The following SMPD3 variants were observed in gnomAD, a reference collection of about 807,000 sequenced individuals.
The protein encoded by SMPD3 is sphingomyelin phosphodiesterase 3, also known as nSMase-2.
Under a neutral mutation model 55.7 loss-of-function variants are expected in SMPD3, and 21 were observed. That is an observed-to-expected ratio of 0.38 (90% CI 0.27 to 0.54). SMPD3 has a LOEUF of 0.54. Ranked by LOEUF, SMPD3 falls within the 20% of genes least tolerant of loss-of-function variation. SMPD3 has a pLI of 0.80. For missense variants in SMPD3, 842 were observed against 899.6 expected (o/e 0.94, Z 0.82); for synonymous variants, 457 against 404.3 (o/e 1.13, Z -1.56).
chr16:68,411,666 G>C (rs1442650643), intron 1 of SMPD3, among the ~76,000 whole-genome samples: 1 of 152,240 alleles, frequency 6.6e-6, no homozygotes, highest in African/African-American at 2.4e-5. Flanking sequence ...CAGCCACGTA[G>C]AGCATCCTTG....
intron 1 of SMPD3, among the ~76,000 whole-genome samples, chr16:68,436,645 C>A (rs1286006420): frequency 6.6e-6 from 1 of 152,166 alleles, no homozygotes; most frequent in Non-Finnish European, 1.5e-5. Flanking sequence ...AATGTGCAAT[C>A]CCATTATAAT....
intron 2 of SMPD3, among the ~76,000 whole-genome samples, chr16:68,384,094 T>C (rs946546149): frequency 6.6e-6 from 1 of 152,212 alleles, no homozygotes; most frequent in Non-Finnish European, 1.5e-5. Context: ...CCCAGGCACC[T>C]AGGCAGGGAA....
Position 68,447,477 on chromosome 16 carries a change from G to A in SMPD3, c.-269+876C>T, listed in dbSNP as rs969370018. ...AGCCCCAGGCCTGGATCCAGGTAGG[G>A]AGGGCCTGGGAGATAAGGCCCAGGT... On this transcript the variant is annotated intron_variant, in intron 1 of 8. Transcript: ENST00000219334. The surrounding 1 kb of genome is among the most constrained non-coding windows in gnomAD (Gnocchi z 5.1). Among the ~76,000 whole-genome samples the A allele has an allele frequency of 8.5e-5, 13 of 152,188 alleles. No individual in the cohort carries two copies. The highest frequency in any genetic ancestry group is 3.1e-4 in the African/African-American group (13 of 41,456).
chr16:68,375,734 C>T (rs1298952134), intron 2 of SMPD3, among the ~76,000 whole-genome samples: 1 of 152,180 alleles, frequency 6.6e-6, no homozygotes, highest in Admixed American at 6.6e-5. Context: ...AGTGGCCAGT[C>T]CTGATCTTTA....
intron 4 of SMPD3, 22 bp from the exon 5 acceptor site, chr16:68,364,928 A>G (rs373555408): frequency 1.6e-5 from 26 of 1,612,830 alleles, no homozygotes; most frequent in Non-Finnish European, 2.0e-5. Flanking sequence ...AAGTACAGAG[A>G]CTGGATGATG....
chr16:68,361,855 GAGC>G, intron 7 of SMPD3, 96 bp from the exon 8 acceptor site: 151 of 1,083,532 alleles, frequency 1.4e-4, no homozygotes, highest in East Asian at 4.8e-4. Flanking sequence ...CCCAGTGTGG[GAGC>G]GGGTGGGTGG....
intron 1 of SMPD3, among the ~76,000 whole-genome samples, chr16:68,414,798 C>T (rs1002943119): frequency 3.3e-5 from 5 of 152,212 alleles, no homozygotes; most frequent in African/African-American, 1.2e-4. Context: ...GAGGGGAAGG[C>T]TCAGAGGCAG....
intron 1 of SMPD3, among the ~76,000 whole-genome samples, chr16:68,402,076 C>T (rs2090212259): frequency 6.6e-6 from 1 of 152,206 alleles, no homozygotes; most frequent in Non-Finnish European, 1.5e-5. Flanking sequence ...CCACGGCTGG[C>T]TAGTGACCTT....
intron 1 of SMPD3, among the ~76,000 whole-genome samples, chr16:68,432,697 TGGCAG>T (rs1373709538): frequency 6.6e-6 from 1 of 152,212 alleles, no homozygotes; most frequent in Non-Finnish European, 1.5e-5. Context: ...AGAGTCTGTC[TGGCAG>T]CTAAATGTAT....
intron 1 of SMPD3, among the ~76,000 whole-genome samples, chr16:68,431,405 G>A (rs1186133251): frequency 1.3e-5 from 2 of 152,202 alleles, no homozygotes; most frequent in Non-Finnish European, 2.9e-5. Context: ...CAGAATCAGT[G>A]CCTTCTGATG....
At chr16:68,386,254 T>C (rs1182843696) in intron 2 of SMPD3, among the ~76,000 whole-genome samples, 4 of 151,810 alleles carry the variant, frequency 2.6e-5, no homozygotes, top group African/African-American at 7.3e-5. Context: ...TAGTGGGCAG[T>C]GGTATCTGGT....
intron 2 of SMPD3, among the ~76,000 whole-genome samples, chr16:68,381,376 G>A (rs2089948655): frequency 6.6e-6 from 1 of 152,230 alleles, no homozygotes; most frequent in South Asian, 2.1e-4. Flanking sequence ...CTGTACATCT[G>A]ATAAGGGGAG....
At chr16:68,389,666 C>T (rs776383425) in intron 1 of SMPD3, among the ~76,000 whole-genome samples, 15 of 152,196 alleles carry the variant, frequency 9.9e-5, no homozygotes, top group Non-Finnish European at 1.8e-4. Flanking sequence ...CAAAGTCACA[C>T]AGCCTTCCAT....
intron 4 of SMPD3, 31 bp downstream of exon 4, chr16:68,364,986 T>C: frequency 1.2e-6 from 2 of 1,613,938 alleles, no homozygotes; most frequent in Non-Finnish European, 1.7e-6. Flanking sequence ...ATCCCATGCC[T>C]AGAAAAAACA....
At chr16:68,376,252 T>G (rs2151990379) in intron 2 of SMPD3, among the ~76,000 whole-genome samples, 1 of 152,342 alleles carries the variant, frequency 6.6e-6, no homozygotes, top group Admixed American at 6.5e-5. Context: ...CAGGACATGC[T>G]CCCTGGCCCG....
chr16:68,412,844 G>A (rs2090312504), intron 1 of SMPD3, among the ~76,000 whole-genome samples: 1 of 152,246 alleles, frequency 6.6e-6, no homozygotes, highest in Non-Finnish European at 1.5e-5. Context: ...TATGGTAGAT[G>A]TTAGAGGAAT....
In SMPD3 at chr16:68,371,504, G is replaced by A. The variant is rs779542326; in HGVS notation, c.678C>T (p.Asn226=). 7.5e-6 allele frequency: 12 copies of A among 1,599,002 alleles called. No individual in the cohort carries two copies. Among genetic ancestry groups the A allele is most frequent in the East Asian group, 2.2e-5 (1 of 44,864 alleles). The change falls in exon 3 of 9, where the codon AAC becomes AAT. Residue 226 remains asparagine (N), a synonymous_variant. Transcript: ENST00000219334. The stretch of plus-strand genomic sequence containing the variant: ...CGACAGGGTCCCCAGAGGCTGGGCC[G>A]TTGGCAGCCTCGTCACCGGGGTGCC... ...GGRHPGDEAA[N]GPASGDPVDS...
chr16:68,370,042 T>C (rs4783557), intron 3 of SMPD3: 85,252 of 152,218 alleles, frequency 0.56, 24,299 homozygotes, highest in East Asian at 0.79. Flanking sequence ...AGCCCTGTGC[T>C]GCATCCACTG....
chr16:68,373,193 T>C (rs996475774), intron 2 of SMPD3, among the ~76,000 whole-genome samples: 1 of 152,184 alleles, frequency 6.6e-6, no homozygotes, highest in Non-Finnish European at 1.5e-5. Flanking sequence ...CTGTCCCTCA[T>C]GTACTCCAAG....
Sources: allele counts gnomAD v4.1 joint callset (sites outside exome capture counted in the v4.1 genomes callset), GRCh38; gene constraint gnomAD v4.1.1; non-coding constraint Gnocchi (gnomAD v3.1); transcripts MANE v1.5; gene names NCBI Gene and HGNC (gene_info 2026-07-23, HGNC 2026-07-21).